Variants in NRF1 observed in about 807,000 individuals in gnomAD.
NRF1 encodes the protein alpha palindromic-binding protein.
A neutral mutation model predicts 58.5 loss-of-function variants in NRF1; 5 were observed. That is an observed-to-expected ratio of 0.09 (90% confidence interval 0.04 to 0.18). The LOEUF is 0.18. NRF1 is among the 10% of genes least tolerant of loss of function. The pLI, the probability that NRF1 is intolerant of heterozygous loss-of-function variation, is 1.00. For synonymous variants in NRF1, 224 were observed against 246.7 expected (o/e 0.91, Z 0.86); for missense variants, 288 against 657.7 (o/e 0.44, Z 6.15).
At chr7:129,650,452 A>G (rs994387483) in intron 1 of NRF1, among the ~76,000 whole-genome samples, 13 of 152,252 alleles carry the variant, frequency 8.5e-5, no homozygotes, top group Non-Finnish European at 1.5e-4. Context: ...TGCTGGAGTT[A>G]ATATAGGGCT....
At chr7:129,704,246 G>A (rs1490392915) in intron 5 of NRF1, among the ~76,000 whole-genome samples, 1 of 151,944 alleles carries the variant, frequency 6.6e-6, no homozygotes, top group Non-Finnish European at 1.5e-5. Flanking sequence ...CTTGGTTCTA[G>A]CACCCTTTAT....
intron 9 of NRF1, among the ~76,000 whole-genome samples, chr7:129,718,083 T>A (rs1803232836): frequency 6.6e-6 from 1 of 152,232 alleles, no homozygotes; most frequent in African/African-American, 2.4e-5. Flanking sequence ...AATGGGATGC[T>A]CCAAGAGGTG....
At chr7:129,731,897 G>C (rs1803588105) in intron 10 of NRF1, among the ~76,000 whole-genome samples, 1 of 152,148 alleles carries the variant, frequency 6.6e-6, no homozygotes, top group Non-Finnish European at 1.5e-5. Flanking sequence ...ATAGGCATGA[G>C]CCACTACACC....
At chr7:129,630,220 T>G (rs1801017178) in intron 1 of NRF1, 1 of 152,250 alleles carries the variant, frequency 6.6e-6, no homozygotes, top group Admixed American at 6.5e-5. Flanking sequence ...AGCTTTTCCA[T>G]AGACGTTTGT....
chr7:129,677,508 T>A, intron 3 of NRF1, 124 bp from the exon 4 acceptor site: 3 of 847,752 alleles, frequency 3.5e-6, no homozygotes, highest in Non-Finnish European at 5.5e-6. Context: ...CACATTCCCC[T>A]TTTCACATTT....
At chr7:129,641,386 A>T (rs545256299) in intron 1 of NRF1, among the ~76,000 whole-genome samples, 1 of 152,206 alleles carries the variant, frequency 6.6e-6, no homozygotes, top group African/African-American at 2.4e-5. Context: ...GGAAAATGGG[A>T]TTGTAAATAC....
chr7:129,652,448 C>G (rs1225306045), intron 1 of NRF1, among the ~76,000 whole-genome samples: 1 of 152,106 alleles, frequency 6.6e-6, no homozygotes, highest in East Asian at 1.9e-4. Context: ...TTTGACCCAG[C>G]AATTTACCTT....
intron 3 of NRF1, among the ~76,000 whole-genome samples, chr7:129,672,954 A>T (rs1360100033): frequency 2.0e-5 from 3 of 152,184 alleles, no homozygotes; most frequent in Non-Finnish European, 2.9e-5. Context: ...CTGAGGCCTG[A>T]AGCACTCCAC....
At position 129,657,375 on chromosome 7, in the gene NRF1, A is replaced by G. The variant is rs138812807; in HGVS notation, c.24A>G (p.Gln8=). The G allele has an allele frequency of 6.2e-6, 10 of 1,614,046 alleles. No individual in the cohort carries two copies. Among genetic ancestry groups the G allele is most frequent in the African/African-American group, 5.3e-5 (4 of 74,916 alleles). ...TCATGGAGGAACACGGAGTGACCCAAACCGAACATATGGCTACCATAGAAG... is the reference window on the plus strand; with the variant it reads ...TCATGGAGGAACACGGAGTGACCCAGACCGAACATATGGCTACCATAGAAG... The part of the protein sequence containing the change: MEEHGVT[Q]TEHMATIEAH... The change falls in exon 2 of 11, where the codon CAA becomes CAG. Residue 8 remains glutamine, a synonymous_variant. Transcript: ENST00000393232.
At chr7:129,674,343 G>A (rs1287259640) in intron 3 of NRF1, among the ~76,000 whole-genome samples, 1 of 151,454 alleles carries the variant, frequency 6.6e-6, no homozygotes, top group East Asian at 1.9e-4. Context: ...TGGTTTCTCA[G>A]TACATAAAAA....
intron 5 of NRF1, among the ~76,000 whole-genome samples, chr7:129,698,628 C>T (rs1316276347): frequency 6.6e-6 from 1 of 152,070 alleles, no homozygotes; most frequent in Non-Finnish European, 1.5e-5. Flanking sequence ...AGACCAGGGC[C>T]TAGTGGATGG....
intron 2 of NRF1, among the ~76,000 whole-genome samples, chr7:129,670,297 G>C (rs1309382543): frequency 6.6e-6 from 1 of 152,208 alleles, no homozygotes; most frequent in African/African-American, 2.4e-5. Flanking sequence ...TACATTTTAA[G>C]AGAGTAGATA....
At chr7:129,684,149 T>C (rs553148450) in intron 4 of NRF1, among the ~76,000 whole-genome samples, 6 of 151,708 alleles carry the variant, frequency 4.0e-5, no homozygotes, top group Non-Finnish European at 7.4e-5. Flanking sequence ...TAAGAAAAAA[T>C]AGAATAAATA....
chr7:129,635,658 A>G (rs1194881961), intron 1 of NRF1, among the ~76,000 whole-genome samples: 4 of 152,132 alleles, frequency 2.6e-5, no homozygotes, highest in Non-Finnish European at 4.4e-5. Context: ...CTGGGGTGGA[A>G]TCTTTTTTTG....
At chr7:129,649,975 A>T (rs979158110) in intron 1 of NRF1, among the ~76,000 whole-genome samples, 14 of 151,582 alleles carry the variant, frequency 9.2e-5, no homozygotes, top group Non-Finnish European at 2.1e-4. Flanking sequence ...CTTGTCTCGA[A>T]CTCCTGGACA....
chr7:129,619,433 T>TACACACACACACAC (rs754223551), intron 1 of NRF1, among the ~76,000 whole-genome samples: 1 of 65,874 alleles, frequency 1.5e-5, no homozygotes, highest in African/African-American at 8.2e-5. Flanking sequence ...TATATATATA[T>TACACACACACACAC]ACACACACAC....
At chr7:129,723,546 T>G (rs577272587) in intron 9 of NRF1, among the ~76,000 whole-genome samples, 1 of 152,198 alleles carries the variant, frequency 6.6e-6, no homozygotes, top group African/African-American at 2.4e-5. Context: ...TACTAAAAAA[T>G]ATTCATTAAA....
chr7:129,629,032 A>G (rs1800988295), intron 1 of NRF1, among the ~76,000 whole-genome samples: 1 of 152,234 alleles, frequency 6.6e-6, no homozygotes, highest in South Asian at 2.1e-4. Flanking sequence ...ACTGTAGCAG[A>G]TACAAGTTTT....
chr7:129,752,756 A>G (rs1014531583), intron 10 of NRF1, among the ~76,000 whole-genome samples: 1 of 152,212 alleles, frequency 6.6e-6, no homozygotes, highest in African/African-American at 2.4e-5. Context: ...GGTGAACTGA[A>G]AGAGAGATTA....
Sources: allele counts gnomAD v4.1 joint callset (sites outside exome capture counted in the v4.1 genomes callset), GRCh38; gene constraint gnomAD v4.1.1; transcripts MANE v1.5; gene names NCBI Gene and HGNC (gene_info 2026-07-23, HGNC 2026-07-21).